Variants in HCN1 observed in about 807,000 individuals in gnomAD.
HCN1 encodes potassium/sodium hyperpolarization-activated cyclic nucleotide-gated channel 1.
HCN1 carries 13 observed loss-of-function variants against 78.9 expected under a neutral mutation model. The ratio of observed to expected loss-of-function variants is 0.16; its 90% CI spans 0.11 to 0.26. HCN1 has a LOEUF of 0.26. Among genes scored for constraint, HCN1 ranks in the 10% least tolerant of loss-of-function variants. The probability of loss-of-function intolerance (pLI) is 1.00; values close to 1 mark genes in which losing one functional copy is unlikely to be tolerated. For synonymous variants in HCN1, 552 were observed against 455.5 expected, an observed-to-expected ratio of 1.21 and a Z score of -2.70; for missense variants, 810 against 1,154.3, an observed-to-expected ratio of 0.70 and a Z score of 4.32.
At chr5:45,555,632 C>T (rs1743453788) in intron 2 of HCN1, among the ~76,000 whole-genome samples, 1 of 151,676 alleles carries the variant, frequency 6.6e-6, no homozygotes, top group African/African-American at 2.4e-5. Flanking sequence ...AGTCATATTA[C>T]CTGACTTCAA....
At position 45,262,682 on chromosome 5, in the gene HCN1, G is replaced by A; in HGVS notation, c.1912C>T (p.Pro638Ser). 1 of 1,614,106 alleles carries A rather than the reference G, an allele frequency of 6.2e-7. No individual in the cohort carries two copies. The highest frequency in any genetic ancestry group is 8.5e-7 in the Non-Finnish European group (1 of 1,180,034). Residue 638 changes from proline (P) to serine (S), a missense_variant, in exon 8 of 8, where the codon CCC (proline) becomes TCC (serine). By Grantham distance (74) the Pro-to-Ser change is moderately conservative (BLOSUM62 -1). Around this residue, in one of 6 missense-constraint regions of HCN1, gnomAD observed 398 missense variants for 381.3 expected, o/e 1.04. Transcript: ENST00000303230. ...GTTGTCATTTGAGGATAATTGATGG[G>A]AGCGATTGCCTGCACCATCTCCCTG... ...HDREMVQAIA[P>S]INYPQMTTLN...
At chr5:45,693,319 C>CTATTA (rs1329457883) in intron 1 of HCN1, among the ~76,000 whole-genome samples, 34 of 151,854 alleles carry the variant, frequency 2.2e-4, no homozygotes, top group African/African-American at 8.2e-4. Flanking sequence ...ATTATTTTTG[C>CTATTA]AGTTTGTTTT....
At chr5:45,582,195 C>A (rs546988377) in intron 2 of HCN1, among the ~76,000 whole-genome samples, 2 of 151,994 alleles carry the variant, frequency 1.3e-5, no homozygotes, top group South Asian at 2.1e-4. Context: ...CTTTTATTTC[C>A]TTGAGCAGTG....
chr5:45,351,676 A>G (rs1275005423), intron 5 of HCN1, among the ~76,000 whole-genome samples: 1 of 145,374 alleles, frequency 6.9e-6, no homozygotes, highest in African/African-American at 2.7e-5. Context: ...AAACAAATTT[A>G]TAAGAAAAAA....
intron 1 of HCN1, among the ~76,000 whole-genome samples, chr5:45,688,012 T>C (rs1340683023): frequency 6.6e-6 from 1 of 152,160 alleles, no homozygotes; most frequent in Admixed American, 6.6e-5. Context: ...ATTTCATAAC[T>C]GGCATTTCCA....
At chr5:45,270,780 A>G (rs937039798) in intron 6 of HCN1, among the ~76,000 whole-genome samples, 22 of 152,294 alleles carry the variant, frequency 1.4e-4, no homozygotes, top group African/African-American at 5.3e-4. Flanking sequence ...TTTAATTTTT[A>G]AAAACAAGTT....
At chr5:45,421,284 G>T (rs534181454) in intron 3 of HCN1, among the ~76,000 whole-genome samples, 1 of 151,958 alleles carries the variant, frequency 6.6e-6, no homozygotes, top group Non-Finnish European at 1.5e-5. Flanking sequence ...GGATGGTCTC[G>T]ATCTCCTGAT....
chr5:45,394,470 G>A (rs1739647229), intron 4 of HCN1, among the ~76,000 whole-genome samples: 1 of 152,082 alleles, frequency 6.6e-6, no homozygotes, highest in South Asian at 2.1e-4. Context: ...CATCCACTAT[G>A]TAAAGCCATG....
Position 45,272,787 on chromosome 5 carries a change from C to T in HCN1, c.1619-5534G>A, listed in dbSNP as rs571569159. On this transcript the variant is annotated intron_variant, in intron 6 of 7. Transcript: ENST00000303230. ...TCAATGTAGACATGCCTTTACTCAT[C>T]AGGAAGAAAATTAACCTGCTTATAG... 7.9e-5 allele frequency among the ~76,000 whole-genome samples: 12 copies of T among 151,846 alleles called. No individual in the cohort carries two copies. In the East Asian group the frequency reaches 2.3e-3, roughly 29 times the overall value.
intron 5 of HCN1, among the ~76,000 whole-genome samples, chr5:45,350,249 A>T (rs1579831428): frequency 1.3e-5 from 2 of 152,102 alleles, no homozygotes; most frequent in Non-Finnish European, 1.5e-5. Context: ...TAATCCAGCA[A>T]ATAAACAGAA....
chr5:45,400,524 G>T (rs535696385), intron 3 of HCN1, among the ~76,000 whole-genome samples: 4 of 148,866 alleles, frequency 2.7e-5, no homozygotes, highest in East Asian at 2.0e-4. Flanking sequence ...TCAGCCTCCC[G>T]AGTAGCTGGG....
Position 45,542,009 on chromosome 5 carries a change from T to G in HCN1, c.850-80002A>C, listed in dbSNP as rs562031844. Among the ~76,000 whole-genome samples, 3 of 152,280 alleles carry G rather than the reference T, an allele frequency of 2.0e-5. No individual in the cohort carries two copies. The South Asian group carries it at 6.2e-4, about 32-fold the overall frequency. ...ACACTGAGCAATATATGTTTAAACC[T>G]ACATTAACCATAACATAGATTAATT... On this transcript the variant is annotated intron_variant, in intron 2 of 7. Transcript: ENST00000303230.
intron 4 of HCN1, among the ~76,000 whole-genome samples, chr5:45,375,625 T>G (rs1747612387): frequency 1.4e-5 from 1 of 70,720 alleles, no homozygotes; most frequent in Admixed American, 2.4e-4. Context: ...ATATTATATA[T>G]AAGATCATAT....
chr5:45,690,736 T>C (rs935270058), intron 1 of HCN1, among the ~76,000 whole-genome samples: 2 of 152,066 alleles, frequency 1.3e-5, no homozygotes, highest in African/African-American at 4.8e-5. Flanking sequence ...ATATATAGTG[T>C]CAGCCTAATT....
chr5:45,290,427 C>T (rs1303464715), intron 6 of HCN1, among the ~76,000 whole-genome samples: 8 of 151,932 alleles, frequency 5.3e-5, no homozygotes, highest in African/African-American at 1.9e-4. Context: ...TTGTAGGGGA[C>T]ATAAACATTC....
chr5:45,277,443 T>G (rs1297940395), intron 6 of HCN1, among the ~76,000 whole-genome samples: 1 of 152,130 alleles, frequency 6.6e-6, no homozygotes, highest in East Asian at 1.9e-4. Context: ...GAGGCATCCA[T>G]GATTTTGAAC....
At chr5:45,692,382 C>A (rs1284314991) in intron 1 of HCN1, among the ~76,000 whole-genome samples, 1 of 152,092 alleles carries the variant, frequency 6.6e-6, no homozygotes, top group Non-Finnish European at 1.5e-5. Flanking sequence ...ACATGAAATT[C>A]AATAAGACTA....
intron 5 of HCN1, among the ~76,000 whole-genome samples, chr5:45,320,590 T>G: frequency 6.6e-6 from 1 of 151,846 alleles, no homozygotes; most frequent in East Asian, 1.9e-4. Context: ...GGAGGAACTA[T>G]GGTATCCCAG....
At chr5:45,290,856 A>G (rs2111884465) in intron 6 of HCN1, among the ~76,000 whole-genome samples, 1 of 152,160 alleles carries the variant, frequency 6.6e-6, no homozygotes, top group East Asian at 1.9e-4. Context: ...ATGATGAGAA[A>G]ATAAGGAAAA....
Sources: allele counts gnomAD v4.1 joint callset (sites outside exome capture counted in the v4.1 genomes callset), GRCh38; gene constraint gnomAD v4.1.1; regional missense constraint gnomAD v4.1.1; transcripts MANE v1.5; gene names NCBI Gene and HGNC (gene_info 2026-07-23, HGNC 2026-07-21).